TBCA: variants seen among roughly 807,000 people sequenced by gnomAD.
TBCA encodes the protein tubulin folding cofactor A.
A neutral mutation model predicts 15.8 loss-of-function variants in TBCA; 6 were observed. That is an observed-to-expected ratio of 0.38 (90% confidence interval 0.21 to 0.75). TBCA has a LOEUF of 0.75. Among genes scored for constraint, TBCA ranks in the 30% least tolerant of loss-of-function variants. The probability of loss-of-function intolerance (pLI) is 0.46; values close to 1 mark genes in which losing one functional copy is unlikely to be tolerated. For synonymous variants in TBCA, 32 were observed against 42.3 expected (o/e 0.76, Z 0.94); for missense variants, 90 against 131.2 (o/e 0.69, Z 1.53).
chr5:77,692,533 C>T (rs1745776364), intron 3 of TBCA: 2 of 965,456 alleles, frequency 2.1e-6, no homozygotes, highest in Non-Finnish European at 2.5e-6. Flanking sequence ...GATCCACCCA[C>T]CTCAGCCTCC....
intron 1 of TBCA, among the ~76,000 whole-genome samples, chr5:77,717,901 C>T (rs370206666): frequency 1.0e-3 from 154 of 151,386 alleles, no homozygotes; most frequent in African/African-American, 3.4e-3. Flanking sequence ...AGGCTGAGGC[C>T]GGCAGATCAC....
intron 2 of TBCA, among the ~76,000 whole-genome samples, chr5:77,706,124 T>G (rs763751725): frequency 6.6e-6 from 1 of 152,204 alleles, no homozygotes; most frequent in Non-Finnish European, 1.5e-5. Flanking sequence ...AATGATTGAT[T>G]AATTTTGCTG....
intron 1 of TBCA, among the ~76,000 whole-genome samples, chr5:77,714,274 C>T (rs1053644242): frequency 4.0e-5 from 6 of 151,890 alleles, no homozygotes; most frequent in Non-Finnish European, 5.9e-5. Context: ...GAGCCAAGAT[C>T]GTACCACTGC....
chr5:77,769,620 T>C (rs937474054), intron 1 of TBCA, among the ~76,000 whole-genome samples: 1 of 151,958 alleles, frequency 6.6e-6, no homozygotes, highest in Admixed American at 6.6e-5. Flanking sequence ...GATGTAGATA[T>C]AAACAAACTT....
At chr5:77,772,022 G>A (rs1257664902) in intron 1 of TBCA, among the ~76,000 whole-genome samples, 1 of 150,174 alleles carries the variant, frequency 6.7e-6, no homozygotes, top group African/African-American at 2.5e-5. Context: ...CGTCTAACCA[G>A]AAAAAGAGTG....
Position 77,753,044 on chromosome 5 carries a change from T to C in TBCA, c.53+23161A>G, listed in dbSNP as rs182826344. On this transcript the variant is annotated intron_variant, in intron 1 of 3. Coordinates refer to ENST00000380377, the MANE Select transcript of TBCA (RefSeq NM_004607.3). Reference sequence around the variant, plus strand: ...TCTTAAAAAAAAATTACATTTTCTTTAGCAAAATCCACATCCTTGTGTTTT... The same window carrying C: ...TCTTAAAAAAAAATTACATTTTCTTCAGCAAAATCCACATCCTTGTGTTTT... Among the ~76,000 whole-genome samples the C allele has an allele frequency of 4.5e-4, 69 of 152,332 alleles. No homozygotes were observed. The East Asian group carries it at 0.011, about 25-fold the overall frequency.
chr5:77,750,140 C>CTATA (rs142408022), intron 1 of TBCA, among the ~76,000 whole-genome samples: 11,296 of 134,018 alleles, frequency 0.084, 1,040 homozygotes, highest in East Asian at 0.24. Context: ...TGCTCTCTCT[C>CTATA]TATATATATA....
chr5:77,759,539 A>G (rs895410226), intron 1 of TBCA, among the ~76,000 whole-genome samples: 3 of 152,128 alleles, frequency 2.0e-5, no homozygotes, highest in Non-Finnish European at 4.4e-5. Flanking sequence ...TTTGAATTTT[A>G]TTTTTGGTTT....
At chr5:77,715,599 CAA>C (rs1208468054) in intron 1 of TBCA, among the ~76,000 whole-genome samples, 2 of 152,094 alleles carry the variant, frequency 1.3e-5, no homozygotes, top group African/African-American at 4.8e-5. Flanking sequence ...ACACATGCAA[CAA>C]ATGGTTATGG....
chr5:77,693,013 A>G, intron 3 of TBCA: 1 of 1,422,890 alleles, frequency 7.0e-7, no homozygotes, highest in Non-Finnish European at 9.1e-7. Context: ...TGGTACTATC[A>G]TAACTTAAAT....
intron 2 of TBCA, among the ~76,000 whole-genome samples, chr5:77,694,047 T>C (rs977806402): frequency 6.6e-6 from 1 of 152,188 alleles, no homozygotes; most frequent in Non-Finnish European, 1.5e-5. Context: ...CTCCTGCATC[T>C]TTTGAGTAAT....
chr5:77,745,858 T>C (rs1029728184), intron 1 of TBCA, among the ~76,000 whole-genome samples: 13 of 152,198 alleles, frequency 8.5e-5, no homozygotes, highest in African/African-American at 2.4e-4. Flanking sequence ...ACCAAAATTG[T>C]TGAACTCTGT....
rs1473160449 is a variant in TBCA at position 77,752,553 on chromosome 5, T to C, written c.53+23652A>G. On this transcript the variant is annotated intron_variant, in intron 1 of 3. Coordinates refer to ENST00000380377, the MANE Select transcript of TBCA (RefSeq NM_004607.3). The stretch of plus-strand genomic sequence containing the variant: ...TTATTTTTGTTTTGTTTTGTTTTGT[T>C]TTGTTTTTCTTTTTTTGAGACGGAG... Among the ~76,000 whole-genome samples, 4 of 47,972 alleles carry C rather than the reference T, an allele frequency of 8.3e-5. 1 individual carries two copies. The highest frequency in any genetic ancestry group is 2.0e-4 in the Non-Finnish European group (4 of 20,078). 31.5% of individuals were successfully genotyped at this position (47,972 alleles called of 152,430 possible).
At chr5:77,693,175 T>C in intron 3 of TBCA, 91 bp downstream of exon 3, 2 of 1,552,290 alleles carry the variant, frequency 1.3e-6, no homozygotes, top group Non-Finnish European at 1.7e-6. Flanking sequence ...TACTGCCAAC[T>C]AGTTCTCAGT....
chr5:77,700,155 C>A (rs181286), intron 2 of TBCA, among the ~76,000 whole-genome samples: 85,332 of 151,668 alleles, frequency 0.56, 24,185 homozygotes, highest in South Asian at 0.66. Flanking sequence ...CAGTGAGCCG[C>A]GATCTCCTCA....
intron 1 of TBCA, among the ~76,000 whole-genome samples, chr5:77,739,839 T>C (rs1746993491): frequency 6.6e-6 from 1 of 152,126 alleles, no homozygotes; most frequent in Non-Finnish European, 1.5e-5. Flanking sequence ...GTTATCCAAA[T>C]AAGAATACAA....
rs181859583 is a variant in TBCA, at chr5:77,740,160, G to A, written c.54-31813C>T. 4.6e-5 allele frequency among the ~76,000 whole-genome samples: 7 copies of A among 152,318 alleles called. No individual in the cohort carries two copies. The East Asian group carries it at 1.3e-3, about 29-fold the overall frequency. On this transcript the variant is annotated intron_variant, in intron 1 of 3. Coordinates refer to ENST00000380377, the MANE Select transcript of TBCA (RefSeq NM_004607.3). Reference sequence around the variant, plus strand: ...AAAATTTGCTTTGAAAATTAAGTAAGGCTGGTTTGTTGAGTGCACAGGAGA... The same window carrying A: ...AAAATTTGCTTTGAAAATTAAGTAAAGCTGGTTTGTTGAGTGCACAGGAGA...
At chr5:77,739,368 C>T (rs150861805) in intron 1 of TBCA, among the ~76,000 whole-genome samples, 5 of 152,128 alleles carry the variant, frequency 3.3e-5, no homozygotes, top group East Asian at 1.9e-4. Flanking sequence ...GGCTGAGGCA[C>T]GAGCGTCGCT....
intron 1 of TBCA, among the ~76,000 whole-genome samples, chr5:77,738,758 T>C (rs1204466521): frequency 2.0e-5 from 3 of 152,112 alleles, no homozygotes; most frequent in African/African-American, 7.2e-5. Context: ...AATTTTTGTA[T>C]TTTTAGTAGA....
Sources: allele counts gnomAD v4.1 joint callset (sites outside exome capture counted in the v4.1 genomes callset), GRCh38; gene constraint gnomAD v4.1.1; transcripts MANE v1.5; gene names NCBI Gene and HGNC (gene_info 2026-07-23, HGNC 2026-07-21).